Variants in LHFPL6 observed in about 807,000 individuals in gnomAD.
LHFPL6 encodes LHFPL tetraspan subfamily member 6.
Under a neutral mutation model 20.6 loss-of-function variants are expected in LHFPL6, and 9 were observed. The observed-to-expected ratio is 0.44, with a 90% CI of 0.26 to 0.76. LHFPL6 has a LOEUF of 0.76. Ranked by LOEUF, LHFPL6 falls within the 30% of genes least tolerant of loss-of-function variation. The pLI is 0.20. For synonymous variants in LHFPL6, 105 were observed against 98.7 expected (o/e 1.06, Z -0.38); for missense variants, 218 against 253.5 (o/e 0.86, Z 0.95).
At chr13:39,461,452 C>A (rs1284537715) in intron 2 of LHFPL6, among the ~76,000 whole-genome samples, 1 of 152,182 alleles carries the variant, frequency 6.6e-6, no homozygotes, top group Non-Finnish European at 1.5e-5. Flanking sequence ...CCATTCCCAC[C>A]AGCAATGTAT....
chr13:39,563,091 AACACACAC>A (rs60324329), intron 2 of LHFPL6, among the ~76,000 whole-genome samples: 5,786 of 135,768 alleles, frequency 0.043, 179 homozygotes, highest in African/African-American at 0.064. Flanking sequence ...CAATACTAGA[AACACACAC>A]ACACACACAC....
At chr13:39,474,686 T>G (rs1873035843) in intron 2 of LHFPL6, among the ~76,000 whole-genome samples, 1 of 152,162 alleles carries the variant, frequency 6.6e-6, no homozygotes, top group South Asian at 2.1e-4. Context: ...AACTCTGCTT[T>G]TTTTTTTAAT....
At chr13:39,503,217 T>G (rs1869356104) in intron 2 of LHFPL6, among the ~76,000 whole-genome samples, 1 of 152,188 alleles carries the variant, frequency 6.6e-6, no homozygotes, top group South Asian at 2.1e-4. Flanking sequence ...GCTCCCTCCC[T>G]CATTCCTCAC....
At chr13:39,439,864 T>C (rs916175480) in intron 2 of LHFPL6, among the ~76,000 whole-genome samples, 3 of 152,218 alleles carry the variant, frequency 2.0e-5, no homozygotes, top group African/African-American at 7.2e-5. Context: ...GAAGCTGCTA[T>C]GCTTCCTGTA....
intron 2 of LHFPL6, among the ~76,000 whole-genome samples, chr13:39,473,524 T>C: frequency 6.6e-6 from 1 of 151,984 alleles, no homozygotes; most frequent in East Asian, 1.9e-4. Flanking sequence ...CACAGTGCTA[T>C]TCAGACTTAG....
chr13:39,554,680 C>T (rs1372423922), intron 2 of LHFPL6, among the ~76,000 whole-genome samples: 1 of 152,156 alleles, frequency 6.6e-6, no homozygotes, highest in African/African-American at 2.4e-5. Context: ...TTTCAACAAG[C>T]TGATTCAACT....
intron 2 of LHFPL6, among the ~76,000 whole-genome samples, chr13:39,495,113 A>T (rs1869055268): frequency 6.6e-6 from 1 of 152,234 alleles, no homozygotes; most frequent in African/African-American, 2.4e-5. Context: ...AAACAAGCAA[A>T]CTTGATCAAC....
chr13:39,490,534 A>C (rs976483721), intron 2 of LHFPL6, among the ~76,000 whole-genome samples: 3 of 152,188 alleles, frequency 2.0e-5, no homozygotes, highest in Non-Finnish European at 2.9e-5. Context: ...CAATGAATGC[A>C]GGTTTGCTGG....
At chr13:39,377,841 C>T (rs1870332014) in intron 3 of LHFPL6, among the ~76,000 whole-genome samples, 1 of 152,184 alleles carries the variant, frequency 6.6e-6, no homozygotes, top group Non-Finnish European at 1.5e-5. Flanking sequence ...CCTGACTCTT[C>T]CTGTTGCTGG....
At chr13:39,426,346 G>A (rs1871637408) in intron 2 of LHFPL6, among the ~76,000 whole-genome samples, 2 of 151,264 alleles carry the variant, frequency 1.3e-5, no homozygotes, top group African/African-American at 2.4e-5. Flanking sequence ...TCAGCCTCCC[G>A]AGTAGCAGGG....
intron 2 of LHFPL6, among the ~76,000 whole-genome samples, chr13:39,594,420 T>C (rs1416610520): frequency 3.9e-5 from 6 of 152,044 alleles, no homozygotes; most frequent in South Asian, 2.1e-4. Flanking sequence ...CAATGAGATA[T>C]CATCTCATAC....
At position 39,582,187 on chromosome 13, in the gene LHFPL6, A is replaced by T. The variant is rs150694463; in HGVS notation, c.385+18645T>A. 9.5e-4 allele frequency among the ~76,000 whole-genome samples: 145 copies of T among 152,288 alleles called. No homozygotes were observed. In the Middle Eastern group the frequency reaches 0.01, roughly 11 times the overall value. On this transcript the variant is annotated intron_variant, in intron 2 of 3. Coordinates refer to ENST00000379589, the MANE Select transcript of LHFPL6 (RefSeq NM_005780.3). ...CGGCCTCATTCTACGAGGCTCATGG[A>T]CTTGAAAAGAGAGAGCTGCTACTGA... is the stretch of plus-strand genomic sequence containing the variant.
chr13:39,448,591 C>G (rs111644419), intron 2 of LHFPL6, among the ~76,000 whole-genome samples: 210 of 152,284 alleles, frequency 1.4e-3, no homozygotes, highest in Middle Eastern at 6.8e-3. Context: ...ATCAGGTCTG[C>G]TGGTAGTTCT....
chr13:39,405,102 C>A (rs561008), intron 2 of LHFPL6, among the ~76,000 whole-genome samples: 132,569 of 152,214 alleles, frequency 0.87, 57,812 homozygotes, highest in Admixed American at 0.92. Context: ...AAACAAAGAC[C>A]AATAAAATTG....
At chr13:39,562,471 TAC>T (rs1317999261) in intron 2 of LHFPL6, among the ~76,000 whole-genome samples, 21 of 109,500 alleles carry the variant, frequency 1.9e-4, no homozygotes, top group African/African-American at 6.9e-4. Context: ...TATACACATA[TAC>T]ACATATACAT....
At chr13:39,500,243 C>T (rs1869247253) in intron 2 of LHFPL6, among the ~76,000 whole-genome samples, 1 of 151,834 alleles carries the variant, frequency 6.6e-6, no homozygotes, top group South Asian at 2.1e-4. Context: ...GCTCTGTTGC[C>T]CAGGCTGGAG....
chr13:39,499,624 C>T lies in LHFPL6; in HGVS notation c.385+101208G>A, dbSNP rs1025183426. Among the ~76,000 whole-genome samples, 3 of 152,310 alleles carry T rather than the reference C, an allele frequency of 2.0e-5. No individual in the cohort carries two copies. The South Asian group carries it at 6.2e-4, about 32-fold the overall frequency. Reference sequence around the variant, plus strand: ...CCTGTCTGAAACCAGAGGCTCAATTCTAGGACACTACCTGGGTTTCTGAGA... The same window carrying T: ...CCTGTCTGAAACCAGAGGCTCAATTTTAGGACACTACCTGGGTTTCTGAGA... On this transcript the variant is annotated intron_variant, in intron 2 of 3. Transcript: ENST00000379589.
intron 2 of LHFPL6, among the ~76,000 whole-genome samples, chr13:39,538,972 T>C (rs758084809): frequency 5.3e-5 from 8 of 152,202 alleles, no homozygotes; most frequent in African/African-American, 1.2e-4. Flanking sequence ...ATGGATTCCA[T>C]TGCAATTACT....
At chr13:39,408,675 A>C (rs1593301423) in intron 2 of LHFPL6, among the ~76,000 whole-genome samples, 1 of 152,340 alleles carries the variant, frequency 6.6e-6, no homozygotes, top group South Asian at 2.1e-4. Context: ...TTGAAAATAA[A>C]AGTCAGGTTC....
Sources: allele counts gnomAD v4.1 joint callset (sites outside exome capture counted in the v4.1 genomes callset), GRCh38; gene constraint gnomAD v4.1.1; transcripts MANE v1.5; gene names NCBI Gene and HGNC (gene_info 2026-07-23, HGNC 2026-07-21).